The following PLEKHG7 variants were observed in gnomAD, a reference collection of about 807,000 sequenced individuals.
PLEKHG7 encodes the protein pleckstrin homology domain-containing family G member 7.
In PLEKHG7, 77 loss-of-function variants were observed where a neutral mutation model predicts 85.2. The observed-to-expected ratio is 0.90, with a 90% CI of 0.75 to 1.09. The LOEUF (loss-of-function observed/expected upper bound fraction) is 1.09. Ranked by LOEUF, PLEKHG7 falls within the 50% of genes least tolerant of loss-of-function variation. The pLI, the probability that PLEKHG7 is intolerant of heterozygous loss-of-function variation, is 0.00. For synonymous variants in PLEKHG7, 301 were observed against 302.4 expected (o/e 1.00, Z 0.05); for missense variants, 777 against 804.3 (o/e 0.97, Z 0.41).
At chr12:92,768,897 A>G in intron 15 of PLEKHG7, 86 bp from the exon 16 acceptor site, 1 of 946,682 alleles carries the variant, frequency 1.1e-6, no homozygotes, top group Non-Finnish European at 1.5e-6. Context: ...CAAATAGAAA[A>G]CAAACCCCAG....
rs1357427480 is a variant in PLEKHG7, at chr12:92,728,973, C to A, written c.531-20C>A. The A allele has an allele frequency of 8.1e-7, 1 of 1,230,792 alleles. No homozygotes were observed. The allele number at this position is 1,230,792 out of a possible 1,614,324, so 76.2% of individuals were successfully genotyped here. Reference sequence around the variant, plus strand: ...AAGATGATATTTCGGTGTGGTTTTCCTTTTATCTCTTGAGCACAGGTTCTA... The same window carrying A: ...AAGATGATATTTCGGTGTGGTTTTCATTTTATCTCTTGAGCACAGGTTCTA... On this transcript the variant is annotated intron_variant, in intron 3 of 16. Coordinates refer to ENST00000344636, the MANE Select transcript of PLEKHG7 (RefSeq NM_001377329.1).
intron 2 of PLEKHG7, 101 bp downstream of exon 2, chr12:92,707,239 A>T (rs1871264151): frequency 6.8e-6 from 10 of 1,465,092 alleles, no homozygotes; most frequent in Non-Finnish European, 9.0e-6. Flanking sequence ...GATCCTAAAA[A>T]GGAGACAGCA....
Position 92,771,336 on chromosome 12 carries a change from T to C in PLEKHG7, c.*1141T>C, listed in dbSNP as rs1393032206. ...GAGAGGATAATGTTTGGGCAAGTCA[T>C]GTGCCCAGTAATTCCTTGAGGAAGG... On this transcript the variant is annotated 3_prime_UTR_variant, in exon 17 of 17. Coordinates refer to ENST00000344636, the MANE Select transcript of PLEKHG7 (RefSeq NM_001377329.1). 3 of 152,060 alleles carry C rather than the reference T, an allele frequency of 2.0e-5. No individual in the cohort carries two copies. Among genetic ancestry groups the C allele is most frequent in the Admixed American group, 2.0e-4 (3 of 15,252 alleles). The allele number at this position is 152,060 out of a possible 1,614,324, so 9.4% of individuals were successfully genotyped here. A position where few individuals can be genotyped will look rare whatever the true frequency, so the allele number is the denominator to read the frequency against.
In PLEKHG7 at chr12:92,722,847, A is replaced by G. The variant is rs115402041; in HGVS notation, c.531-6146A>G. ...ATTTATTCAACAAGCTTATCTGAATACTTGTTCTATGTCAGATTCCATGCT... is the reference window on the plus strand; with the variant it reads ...ATTTATTCAACAAGCTTATCTGAATGCTTGTTCTATGTCAGATTCCATGCT... On this transcript the variant is annotated intron_variant, in intron 3 of 16. Transcript: ENST00000344636. Among the ~76,000 whole-genome samples the G allele has an allele frequency of 2.7e-3, 406 of 152,346 alleles. 1 individual carries two copies. The highest frequency in any genetic ancestry group is 9.3e-3 in the African/African-American group (385 of 41,582).
At chr12:92,716,042 C>CA (rs1485009886) in intron 3 of PLEKHG7, among the ~76,000 whole-genome samples, 1 of 152,072 alleles carries the variant, frequency 6.6e-6, no homozygotes, top group East Asian at 1.9e-4. Flanking sequence ...AAACCTTTTT[C>CA]AAAAATACTG....
intron 9 of PLEKHG7, among the ~76,000 whole-genome samples, 158 bp from the exon 10 acceptor site, chr12:92,745,320 T>C (rs1375178181): frequency 6.6e-6 from 1 of 152,214 alleles, no homozygotes; most frequent in Non-Finnish European, 1.5e-5. Context: ...GGAGATTACC[T>C]TTGTATTTCC....
chr12:92,735,885 T>C (rs976879484), intron 5 of PLEKHG7, among the ~76,000 whole-genome samples: 6 of 152,180 alleles, frequency 3.9e-5, no homozygotes, highest in Non-Finnish European at 8.8e-5. Context: ...ACAATAAACA[T>C]ATTATCTTAG....
intron 15 of PLEKHG7, among the ~76,000 whole-genome samples, 155 bp downstream of exon 15, chr12:92,764,349 T>C (rs1474059648): frequency 6.6e-6 from 1 of 152,218 alleles, no homozygotes; most frequent in Non-Finnish European, 1.5e-5. Context: ...TATGAATTAG[T>C]TATGGTGTCC....
intron 3 of PLEKHG7, among the ~76,000 whole-genome samples, chr12:92,714,716 A>G (rs1871433560): frequency 6.6e-6 from 1 of 152,138 alleles, no homozygotes; most frequent in Non-Finnish European, 1.5e-5. Flanking sequence ...GGTTCTCCAC[A>G]TATGTCAAAG....
At chr12:92,708,853 G>A (rs1036668414) in intron 3 of PLEKHG7, among the ~76,000 whole-genome samples, 5 of 152,186 alleles carry the variant, frequency 3.3e-5, no homozygotes. Context: ...AACAGTGGGA[G>A]AGCATTGAAA....
At chr12:92,763,970 C>T in intron 14 of PLEKHG7, 71 bp from the exon 15 acceptor site, 1 of 1,333,274 alleles carries the variant, frequency 7.5e-7, no homozygotes, top group South Asian at 1.5e-5. Context: ...TATTTGCTTA[C>T]AGATGCACTT....
intron 3 of PLEKHG7, among the ~76,000 whole-genome samples, chr12:92,725,941 A>G (rs1187963351): frequency 1.3e-5 from 2 of 152,200 alleles, no homozygotes; most frequent in East Asian, 3.8e-4. Context: ...CTTCAGATCT[A>G]CTAAATCAGA....
chr12:92,705,979 C>T (rs368466387), intron 1 of PLEKHG7, among the ~76,000 whole-genome samples: 185 of 152,298 alleles, frequency 1.2e-3, no homozygotes, highest in African/African-American at 4.1e-3. Flanking sequence ...AGATAAAAGA[C>T]GTTGTCAGAT....
intron 10 of PLEKHG7, 148 bp from the exon 11 acceptor site, chr12:92,753,942 A>G: frequency 1.4e-6 from 1 of 723,580 alleles, no homozygotes; most frequent in Non-Finnish European, 2.3e-6. Flanking sequence ...AGGGGATTTA[A>G]TTTGTGGCTT....
chr12:92,719,921 A>G (rs1871589202), intron 3 of PLEKHG7, among the ~76,000 whole-genome samples: 1 of 152,228 alleles, frequency 6.6e-6, no homozygotes, highest in Non-Finnish European at 1.5e-5. Flanking sequence ...TAGAGCATGC[A>G]GGATGCAGGC....
At chr12:92,712,919 T>G (rs1871391135) in intron 3 of PLEKHG7, among the ~76,000 whole-genome samples, 1 of 152,200 alleles carries the variant, frequency 6.6e-6, no homozygotes, top group South Asian at 2.1e-4. Context: ...ACCACAATGA[T>G]GTTTTGGGTT....
intron 10 of PLEKHG7, among the ~76,000 whole-genome samples, chr12:92,752,576 A>C (rs1486429949): frequency 2.0e-5 from 3 of 152,172 alleles, no homozygotes; most frequent in African/African-American, 7.2e-5. Context: ...CTGGGGATGC[A>C]GCAGGAGTCT....
chr12:92,722,271 A>C (rs555325885), intron 3 of PLEKHG7, among the ~76,000 whole-genome samples: 1 of 152,070 alleles, frequency 6.6e-6, no homozygotes, highest in African/African-American at 2.4e-5. Flanking sequence ...GTCCACTGCC[A>C]GGCATGGAAT....
chr12:92,736,521 T>G lies in PLEKHG7; in HGVS notation c.739T>G (p.Cys247Gly). The G allele has an allele frequency of 8.1e-7, 1 of 1,232,040 alleles. No individual in the cohort carries two copies. 76.3% of individuals were successfully genotyped at this position (1,232,040 alleles called of 1,614,324 possible). A position where few individuals can be genotyped will look rare whatever the true frequency, so the allele number is the denominator to read the frequency against. ...KHKHISDLENCLSSVKITSFR... is the reference protein window; with the variant it reads ...KHKHISDLENGLSSVKITSFR... ...CAAGCACATATCTGATCTGGAAAACTGCCTGTCCTCTGTGAAAATTACCAG... is the reference window on the plus strand; with the variant it reads ...CAAGCACATATCTGATCTGGAAAACGGCCTGTCCTCTGTGAAAATTACCAG... Residue 247 changes from cysteine (C) to glycine (G), a missense_variant, in exon 6 of 17, where the codon TGC becomes GGC. Cys to Gly is a radical substitution (Grantham distance 159, BLOSUM62 -3). Around this residue, in one of 3 missense-constraint regions of PLEKHG7, gnomAD observed 520 missense variants for 544.0 expected, o/e 0.96. Coordinates refer to ENST00000344636, the MANE Select transcript of PLEKHG7 (RefSeq NM_001377329.1).
Sources: allele counts gnomAD v4.1 joint callset (sites outside exome capture counted in the v4.1 genomes callset), GRCh38; gene constraint gnomAD v4.1.1; regional missense constraint gnomAD v4.1.1; transcripts MANE v1.5; gene names NCBI Gene and HGNC (gene_info 2026-07-23, HGNC 2026-07-21).